CTC1: variants seen among roughly 807,000 people sequenced by gnomAD.
CTC1 encodes CST complex subunit CTC1.
In CTC1, 91 loss-of-function variants were observed where a neutral mutation model predicts 136.3. The ratio of observed to expected loss-of-function variants is 0.67; its 90% CI spans 0.56 to 0.79. CTC1 has a LOEUF of 0.79. Among genes scored for constraint, CTC1 ranks in the 30% least tolerant of loss-of-function variants. The pLI is 0.00. For missense variants in CTC1, 1,432 were observed against 1,498.1 expected, an observed-to-expected ratio of 0.96 and a Z score of 0.73; for synonymous variants, 606 against 613.8, an observed-to-expected ratio of 0.99 and a Z score of 0.19.
At chr17:8,232,598 A>C (rs1396917088) in intron 11 of CTC1, 123 bp from the exon 12 acceptor site, 1 of 778,714 alleles carries the variant, frequency 1.3e-6, no homozygotes, top group Non-Finnish European at 2.1e-6. Context: ...ACATGACATG[A>C]AAGCCCACAC....
rs1179270612 is a variant in CTC1, at chr17:8,247,997, C to T, written c.33+7G>A. ...AAAGGAACAAGAGACGTAATAGCAG[C>T]ACTCACGGAGGAAGGGACCTGGGCC... is the stretch of plus-strand genomic sequence containing the variant. On this transcript the variant is annotated splice_region_variant and intron_variant, in intron 1 of 22. Coordinates refer to ENST00000651323, the MANE Select transcript of CTC1 (RefSeq NM_025099.6). 3 of 1,610,304 alleles carry T rather than the reference C, an allele frequency of 1.9e-6. No homozygotes were observed. The highest frequency in any genetic ancestry group is 2.5e-6 in the Non-Finnish European group (3 of 1,178,142).
chr17:8,234,529 G>A lies in CTC1; in HGVS notation c.1744C>T (p.Pro582Ser), dbSNP rs1180648495. 6 of 1,562,578 alleles carry A rather than the reference G, an allele frequency of 3.8e-6. No individual in the cohort carries two copies. The East Asian group carries it at 1.2e-4, about 31-fold the overall frequency. ...AGGCGGCGATTGAGTTGGCAGCTGG[G>A]CAGGTAGGAGGCCTCCGGGAGGGGC... ...LLPLPEASYLPSCQLNRRLAW... is the reference protein window; with the variant it reads ...LLPLPEASYLSSCQLNRRLAW... Residue 582 changes from proline (P) to serine (S), a missense_variant, in exon 10 of 23, where the codon CCC (proline) becomes TCC (serine). Coordinates refer to ENST00000651323, the MANE Select transcript of CTC1 (RefSeq NM_025099.6).
At position 8,231,776 on chromosome 17, in the gene CTC1, CA is replaced by C; in HGVS notation, c.2424del (p.Phe808LeufsTer13). ...LIFFGSSVRW[F>X]EFLHPGQVYR... ...TACACCTGTCCCGGGTGCAAGAACT[CA>C]AACCAGCGGACTGAAGAGCCAAAGA... On this transcript the variant is annotated frameshift_variant, in exon 14 of 23. Coordinates refer to ENST00000651323, the MANE Select transcript of CTC1 (RefSeq NM_025099.6). LOFTEE classifies it high-confidence loss of function. The C allele has an allele frequency of 6.2e-7, 1 of 1,614,196 alleles. No homozygotes were observed. Among genetic ancestry groups the C allele is most frequent in the African/African-American group, 1.3e-5 (1 of 75,046 alleles).
At chr17:8,245,521 C>T (rs886282382) in intron 1 of CTC1, among the ~76,000 whole-genome samples, 4 of 152,074 alleles carry the variant, frequency 2.6e-5, no homozygotes, top group African/African-American at 4.8e-5. Flanking sequence ...TCCTGTTTCT[C>T]GGATGGCCTA....
chr17:8,233,220 T>C (rs1987396137), intron 10 of CTC1, 188 bp from the exon 11 acceptor site: 1 of 601,766 alleles, frequency 1.7e-6, no homozygotes, highest in African/African-American at 1.9e-5. Context: ...TTCACACATT[T>C]AGTAGGAGAA....
rs80200861 is a variant in CTC1 at position 8,229,256 on chromosome 17, C to T, written c.3156+46G>A. On this transcript the variant is annotated intron_variant, in intron 19 of 22. Coordinates refer to ENST00000651323, the MANE Select transcript of CTC1 (RefSeq NM_025099.6). ...AAGTCCTCTTGGTCCCATCACATCC[C>T]TCTGGCACTCCATACTCAGTTCAGC... is the stretch of plus-strand genomic sequence containing the variant. 148 of 1,614,004 alleles carry T rather than the reference C, an allele frequency of 9.2e-5. 3 individuals are homozygous for T. In the East Asian group the frequency reaches 3.3e-3, roughly 36 times the overall value.
Position 8,235,182 on chromosome 17 carries a change from T to C in CTC1, c.1310A>G (p.Gln437Arg). Reference sequence around the variant, plus strand: ...ACGGGATGAGTGAGCCCCAGGCTTCTGACGAGAGAAGCTTTGAAGCAGAAC... The same window carrying C: ...ACGGGATGAGTGAGCCCCAGGCTTCCGACGAGAGAAGCTTTGAAGCAGAAC... The part of the protein sequence containing the change: ...GAVLLQSFSR[Q>R]KPGAHSSRQA... Residue 437 changes from glutamine to arginine, a missense_variant, in exon 8 of 23, where the codon CAG becomes CGG. Physicochemically the swap from Gln to Arg is conservative, Grantham distance 43. Coordinates refer to ENST00000651323, the MANE Select transcript of CTC1 (RefSeq NM_025099.6). 6.2e-7 allele frequency: 1 copy of C among 1,614,172 alleles called. No individual in the cohort carries two copies.
intron 1 of CTC1, among the ~76,000 whole-genome samples, chr17:8,244,564 C>T (rs867238216): frequency 6.6e-6 from 1 of 150,992 alleles, no homozygotes; most frequent in East Asian, 1.9e-4. Flanking sequence ...CTTGCTTTGT[C>T]GCCCAGGCTG....
intron 10 of CTC1, among the ~76,000 whole-genome samples, chr17:8,233,834 G>A (rs1388591597): frequency 6.6e-6 from 1 of 152,030 alleles, no homozygotes; most frequent in Non-Finnish European, 1.5e-5. Context: ...CTACTTGGGA[G>A]GCTGAGGTGG....
Position 8,243,144 on chromosome 17 carries a change from T to G in CTC1, c.38A>C (p.Gln13Pro). The change falls in exon 2 of 23, where the codon CAA becomes CCA. Residue 13 changes from glutamine (Q) to proline (P), a missense_variant. Physicochemically the swap from Gln to Pro is moderately conservative, Grantham distance 76. Coordinates refer to ENST00000651323, the MANE Select transcript of CTC1 (RefSeq NM_025099.6). ...AGRAQVPSSE[Q>P]AWLEDAQVFI... ...GACCTGAGCATCCTCAAGCCAGGCT[T>G]GTTCCTGAGGAAAGTGAATTTAGTT... The G allele has an allele frequency of 6.2e-7, 1 of 1,612,460 alleles. No individual in the cohort carries two copies. The highest frequency in any genetic ancestry group is 8.5e-7 in the Non-Finnish European group (1 of 1,179,366).
Position 8,238,190 on chromosome 17 carries a change from C to A in CTC1, c.488G>T (p.Trp163Leu). ...WLGHLFLFPR[W>L]SYLPPARWNS... Reference sequence around the variant, plus strand: ...CCACCTGGCAGGAGGGAGGTAACTCCAACGGGGGAACAGAAAAAGATGGCC... The same window carrying A: ...CCACCTGGCAGGAGGGAGGTAACTCAAACGGGGGAACAGAAAAAGATGGCC... Residue 163 changes from tryptophan (W) to leucine (L), a missense_variant, in exon 4 of 23, where the codon TGG becomes TTG. Physicochemically the swap from Trp to Leu is moderately conservative, Grantham distance 61. Transcript: ENST00000651323. 1 of 1,613,016 alleles carries A rather than the reference C, an allele frequency of 6.2e-7. No individual in the cohort carries two copies. The highest frequency in any genetic ancestry group is 8.5e-7 in the Non-Finnish European group (1 of 1,179,152).
At position 8,232,744 on chromosome 17, in the gene CTC1, CTCCT is replaced by C. The variant is rs1450500991; in HGVS notation, c.1945+158_1945+161del. 5 of 955,088 alleles carry C rather than the reference CTCCT, an allele frequency of 5.2e-6. No homozygotes were observed. In the African/African-American group the frequency reaches 8.2e-5, roughly 16 times the overall value. 59.2% of individuals were successfully genotyped at this position (955,088 alleles called of 1,614,324 possible). ...GAAATTCTGGCTAGGGGTCCTCTTG[CTCCT>C]GTTCTCTGCCTGCCATACAAGTCTC... On this transcript the variant is annotated intron_variant, in intron 11 of 22. Transcript: ENST00000651323.
rs1309940883 is a variant in CTC1 at position 8,226,972 on chromosome 17, AC to A, written c.*1207del. 1 of 152,230 alleles carries A rather than the reference AC, an allele frequency of 6.6e-6. No individual in the cohort carries two copies. Among genetic ancestry groups the A allele is most frequent in the African/African-American group, 2.4e-5 (1 of 41,352 alleles). The allele number at this position is 152,230 out of a possible 1,614,324, so 9.4% of individuals were successfully genotyped here. A position where few individuals can be genotyped will look rare whatever the true frequency, so the allele number is the denominator to read the frequency against. On this transcript the variant is annotated 3_prime_UTR_variant, in exon 23 of 23. Coordinates refer to ENST00000651323, the MANE Select transcript of CTC1 (RefSeq NM_025099.6). ...CAGAGGGTCAGAAAACAAAACACAC[AC>A]AAAAAAAAGCCACCCACTGGCCCGT...
At chr17:8,230,149 G>T in intron 17 of CTC1, 145 bp downstream of exon 17, 1 of 977,130 alleles carries the variant, frequency 1.0e-6, no homozygotes, top group South Asian at 1.6e-5. Flanking sequence ...CCTCGTGAGG[G>T]TACTGGCTGG....
chr17:8,235,752 C>T, intron 7 of CTC1, 79 bp downstream of exon 7: 2 of 1,452,044 alleles, frequency 1.4e-6, no homozygotes, highest in Non-Finnish European at 1.9e-6. Flanking sequence ...ATATAACCAC[C>T]CTGCTGCAGA....
chr17:8,229,069 A>C, intron 20 of CTC1, 73 bp downstream of exon 20: 1 of 1,526,440 alleles, frequency 6.6e-7, no homozygotes, highest in Non-Finnish European at 9.0e-7. Flanking sequence ...AATTATGCTA[A>C]TGTAGAAACT....
chr17:8,243,034 A>G lies in CTC1; in HGVS notation c.148T>C (p.Trp50Arg). The G allele has an allele frequency of 6.2e-7, 1 of 1,613,936 alleles. No homozygotes were observed. The highest frequency in any genetic ancestry group is 1.3e-5 in the African/African-American group (1 of 75,046). Reference sequence around the variant, plus strand: ...CCTTGGTTCCTTCCCTGGGACAACCAGACAGTCTTCACACAATCAATTACC... The same window carrying G: ...CCTTGGTTCCTTCCCTGGGACAACCGGACAGTCTTCACACAATCAATTACC... ...PLVIDCVKTV[W>R]LSQGRNQGST... is the part of the protein sequence containing the mutation. Residue 50 changes from tryptophan to arginine, a missense_variant, in exon 2 of 23, where the codon TGG (tryptophan) becomes CGG (arginine). Transcript: ENST00000651323.
At position 8,242,040 on chromosome 17, in the gene CTC1, T is replaced by A. The variant is rs567504497; in HGVS notation, c.197+945A>T. 8.3e-4 allele frequency among the ~76,000 whole-genome samples: 124 copies of A among 149,336 alleles called. 1 individual carries two copies. Among genetic ancestry groups the A allele is most frequent in the South Asian group, 7.1e-3 (34 of 4,804 alleles). ...CAAGATAGTGATTATTATTATTATT[T>A]TTTTTTAAATATGGAGTTTCGCTCT... On this transcript the variant is annotated intron_variant, in intron 2 of 22. Transcript: ENST00000651323.
rs1015639237 is a variant in CTC1, at chr17:8,225,697, T to C, written c.*2483A>G. On this transcript the variant is annotated 3_prime_UTR_variant, in exon 23 of 23. Coordinates refer to ENST00000651323, the MANE Select transcript of CTC1 (RefSeq NM_025099.6). ...CCAGGCCAGCCGGATCCCTGCTTAC[T>C]CCTTACCCTGACATCCCGCTGGTGG... 3.3e-5 allele frequency: 5 copies of C among 152,164 alleles called. No individual in the cohort carries two copies. The highest frequency in any genetic ancestry group is 1.2e-4 in the African/African-American group (5 of 41,408). 9.4% of individuals were successfully genotyped at this position (152,164 alleles called of 1,614,324 possible).
Sources: allele counts gnomAD v4.1 joint callset (sites outside exome capture counted in the v4.1 genomes callset), GRCh38; gene constraint gnomAD v4.1.1; transcripts MANE v1.5; gene names NCBI Gene and HGNC (gene_info 2026-07-23, HGNC 2026-07-21).